Variants in POU6F2 observed in about 807,000 individuals in gnomAD.
POU6F2 encodes POU domain, class 6, transcription factor 2.
Under a neutral mutation model 71.3 loss-of-function variants are expected in POU6F2, and 31 were observed. The ratio of observed to expected loss-of-function variants is 0.43; its 90% confidence interval spans 0.33 to 0.59. The LOEUF (loss-of-function observed/expected upper bound fraction) is 0.59. Among genes scored for constraint, POU6F2 ranks in the 20% least tolerant of loss-of-function variants. POU6F2 has a pLI of 0.04. For synonymous variants in POU6F2, 347 were observed against 355.7 expected (o/e 0.98, Z 0.27); for missense variants, 783 against 856.8 (o/e 0.91, Z 1.07).
chr7:39,293,596 T>A (rs1019781730), intron 4 of POU6F2, among the ~76,000 whole-genome samples: 1 of 152,214 alleles, frequency 6.6e-6, no homozygotes, highest in Non-Finnish European at 1.5e-5. Context: ...CAGGCCCACT[T>A]CCTGTTAAGG....
intron 5 of POU6F2, among the ~76,000 whole-genome samples, chr7:39,347,523 A>C (rs1448292484): frequency 1.3e-5 from 2 of 152,178 alleles, no homozygotes; most frequent in Non-Finnish European, 2.9e-5. Context: ...TAGAACAGAA[A>C]GAAAGGACTG....
intron 5 of POU6F2, among the ~76,000 whole-genome samples, chr7:39,360,553 C>T (rs1786358369): frequency 6.6e-6 from 1 of 152,136 alleles, no homozygotes; most frequent in African/African-American, 2.4e-5. Context: ...CGTTTTGTTA[C>T]CAGAAAGGGG....
chr7:39,212,817 A>C (rs1200035036), intron 4 of POU6F2, among the ~76,000 whole-genome samples: 1 of 152,260 alleles, frequency 6.6e-6, no homozygotes, highest in Non-Finnish European at 1.5e-5. Context: ...GTCCTAGGGT[A>C]AAAACAGAGG....
intron 2 of POU6F2, among the ~76,000 whole-genome samples, chr7:39,123,125 G>C (rs928161965): frequency 2.6e-5 from 4 of 152,214 alleles, no homozygotes; most frequent in Non-Finnish European, 5.9e-5. Context: ...GACTAGAGCT[G>C]ATGTGTGCAA....
At position 39,386,064 on chromosome 7, in the gene POU6F2, G is replaced by A. The variant is rs373547925; in HGVS notation, c.973-20536G>A. On this transcript the variant is annotated intron_variant, in intron 5 of 9. Transcript: ENST00000518318. ...ACCTGGGAGGCAGAGCTTGCAGTGA[G>A]CTGAGATCGCACCACTGCACTCCAG... Among the ~76,000 whole-genome samples the A allele has an allele frequency of 5.6e-4, 84 of 149,924 alleles. 1 individual carries two copies. In the South Asian group the frequency reaches 0.016, roughly 29 times the overall value.
rs527554524 is a variant in POU6F2, at chr7:39,143,996, A to AATAG, written c.277+57966_277+57969dup. Among the ~76,000 whole-genome samples, 59 of 152,292 alleles carry AATAG rather than the reference A, an allele frequency of 3.9e-4. No individual in the cohort carries two copies. The South Asian group carries it at 0.01, about 27-fold the overall frequency. ...AGAGGAGGATCACAACCACAAGCCA[A>AATAG]ATAGCACATCCCATCAAAATAGGTC... On this transcript the variant is annotated intron_variant, in intron 2 of 9. Coordinates refer to ENST00000518318, the MANE Select transcript of POU6F2 (RefSeq NM_001370959.1).
intron 2 of POU6F2, among the ~76,000 whole-genome samples, chr7:39,175,867 A>C (rs748931674): frequency 3.9e-5 from 6 of 152,036 alleles, no homozygotes; most frequent in African/African-American, 1.2e-4. Flanking sequence ...AGTCCCCTCC[A>C]CCCATCCCTT....
At chr7:39,210,325 A>G (rs561774279) in intron 4 of POU6F2, among the ~76,000 whole-genome samples, 1 of 152,222 alleles carries the variant, frequency 6.6e-6, no homozygotes, top group African/African-American at 2.4e-5. Flanking sequence ...AGTTCGGCCA[A>G]CTGGAATTAT....
intron 2 of POU6F2, among the ~76,000 whole-genome samples, chr7:39,144,683 G>A (rs1396630275): frequency 6.6e-6 from 1 of 152,180 alleles, no homozygotes; most frequent in Non-Finnish European, 1.5e-5. Flanking sequence ...CTGCTTTCTA[G>A]TACCTCCACG....
At position 39,343,696 on chromosome 7, in the gene POU6F2, T is replaced by C. The variant is rs576229806; in HGVS notation, c.972+3681T>C. ...AACCGGAGGGCTTGAGTCCCCCTTC[T>C]AGTTCTGACCCTGCCTCCAACTAAC... On this transcript the variant is annotated intron_variant, in intron 5 of 9. Transcript: ENST00000518318. Among the ~76,000 whole-genome samples, 6 of 152,284 alleles carry C rather than the reference T, an allele frequency of 3.9e-5. No homozygotes were observed. The South Asian group carries it at 8.3e-4, about 21-fold the overall frequency.
chr7:39,266,325 A>C (rs1438512245), intron 4 of POU6F2, among the ~76,000 whole-genome samples: 1 of 152,216 alleles, frequency 6.6e-6, no homozygotes, highest in Non-Finnish European at 1.5e-5. Flanking sequence ...CAGGGTCAAC[A>C]TCAACATCGT....
chr7:39,177,203 C>T (rs1286853156), intron 2 of POU6F2, among the ~76,000 whole-genome samples: 3 of 152,360 alleles, frequency 2.0e-5, no homozygotes, highest in Non-Finnish European at 4.4e-5. Flanking sequence ...CTTTTGTCCA[C>T]TCCCCTTGCC....
At chr7:39,188,584 A>T (rs1793593438) in intron 2 of POU6F2, among the ~76,000 whole-genome samples, 1 of 152,184 alleles carries the variant, frequency 6.6e-6, no homozygotes, top group Non-Finnish European at 1.5e-5. Context: ...AAGTGCTGGG[A>T]GTACAGGCAT....
intron 1 of POU6F2, among the ~76,000 whole-genome samples, chr7:39,056,011 TAA>T (rs11287003): frequency 0.014 from 2,049 of 149,718 alleles, 41 homozygotes; most frequent in African/African-American, 0.046. Context: ...CTTTAATCTT[TAA>T]AAAAAAAAGC....
chr7:39,250,384 G>A (rs1421033703), intron 4 of POU6F2, among the ~76,000 whole-genome samples: 4 of 152,152 alleles, frequency 2.6e-5, no homozygotes, highest in Admixed American at 6.5e-5. Context: ...ACTAAATAGT[G>A]TGTAACAACA....
chr7:39,105,403 T>A lies in POU6F2; in HGVS notation c.277+19372T>A, dbSNP rs141066759. 2.7e-3 allele frequency among the ~76,000 whole-genome samples: 407 copies of A among 151,426 alleles called. 1 individual carries two copies. The highest frequency in any genetic ancestry group is 9.5e-3 in the African/African-American group (392 of 41,388). ...TATAAATATTTTTAAATTAAATAAG[T>A]TCTATGTTTTAGAATTTTTTTTAAC... On this transcript the variant is annotated intron_variant, in intron 2 of 9. Transcript: ENST00000518318.
At position 39,338,905 on chromosome 7, in the gene POU6F2, T is replaced by C. The variant is rs1463218862; in HGVS notation, c.599-737T>C. Among the ~76,000 whole-genome samples, 3 of 152,130 alleles carry C rather than the reference T, an allele frequency of 2.0e-5. 1 individual carries two copies. Among genetic ancestry groups the C allele is most frequent in the Non-Finnish European group, 4.4e-5 (3 of 68,020 alleles). The stretch of plus-strand genomic sequence containing the variant: ...TTAAAAGATGATTTCATTCCCTCAG[T>C]CCTTAGGTGCTGTCCTGTCCTCAGG... On this transcript the variant is annotated intron_variant, in intron 4 of 9. Coordinates refer to ENST00000518318, the MANE Select transcript of POU6F2 (RefSeq NM_001370959.1).
intron 4 of POU6F2, among the ~76,000 whole-genome samples, chr7:39,275,065 A>G (rs1480720610): frequency 9.2e-5 from 14 of 151,788 alleles, no homozygotes; most frequent in Non-Finnish European, 2.1e-4. Context: ...ATTAGGCAGG[A>G]GAAGGAAATA....
At chr7:39,390,043 C>T (rs1269727536) in intron 5 of POU6F2, among the ~76,000 whole-genome samples, 1 of 152,104 alleles carries the variant, frequency 6.6e-6, no homozygotes, top group East Asian at 1.9e-4. Context: ...AAAGATGCTA[C>T]ATCAGGTAGG....
Sources: gnomAD v4.1 joint callset for allele counts (sites outside exome capture counted in the v4.1 genomes callset) on GRCh38, gnomAD v4.1.1 for gene constraint, MANE v1.5 for transcripts, NCBI Gene and HGNC (gene_info 2026-07-23, HGNC 2026-07-21) for gene names.